Variants in PCSK6 observed in about 807,000 individuals in gnomAD.
The protein encoded by PCSK6 is proprotein convertase subtilisin/kexin type 6.
A neutral mutation model predicts 123.3 loss-of-function variants in PCSK6; 85 were observed. That is an observed-to-expected ratio of 0.69 (90% CI 0.58 to 0.83). The LOEUF (loss-of-function observed/expected upper bound fraction) is 0.83. Ranked by LOEUF, PCSK6 falls within the 40% of genes least tolerant of loss-of-function variation. The pLI, the probability that PCSK6 is intolerant of heterozygous loss-of-function variation, is 0.00. For missense variants in PCSK6, 1,191 were observed against 1,282.3 expected, an observed-to-expected ratio of 0.93 and a Z score of 1.09; for synonymous variants, 508 against 516.0, an observed-to-expected ratio of 0.98 and a Z score of 0.21.
At chr15:101,445,809 G>C (rs986523840) in intron 1 of PCSK6, among the ~76,000 whole-genome samples, 3 of 152,252 alleles carry the variant, frequency 2.0e-5, no homozygotes, top group Non-Finnish European at 4.4e-5. Context: ...TGCTGGCAAA[G>C]AGACTAATTG....
intron 17 of PCSK6, among the ~76,000 whole-genome samples, chr15:101,323,731 GAAA>G (rs11404372): frequency 7.8e-6 from 1 of 128,266 alleles, no homozygotes. Flanking sequence ...ACTCCATCTC[GAAA>G]AAAAAAAAAA....
chr15:101,316,789 A>T lies in PCSK6; in HGVS notation c.2569+1530T>A, dbSNP rs560710951. 2.2e-3 allele frequency among the ~76,000 whole-genome samples: 336 copies of T among 152,256 alleles called. 1 individual carries two copies. Among genetic ancestry groups the T allele is most frequent in the African/African-American group, 7.7e-3 (320 of 41,546 alleles). On this transcript the variant is annotated intron_variant, in intron 19 of 21. Transcript: ENST00000611716. The stretch of plus-strand genomic sequence containing the variant: ...TCATCAGGCCTGTCTATTCCAGGAC[A>T]TACGGCAGGGAGCTGCATGGGGTGC...
At position 101,307,293 on chromosome 15, in the gene PCSK6, G is replaced by A. The variant is rs910455492; in HGVS notation, c.2732C>T (p.Ser911Phe). Residue 911 changes from serine to phenylalanine, a missense_variant, in exon 21 of 22, where the codon TCC becomes TTC. Around this residue, in one of 3 missense-constraint regions of PCSK6, gnomAD observed 630 missense variants for 631.4 expected, o/e 1.00. Transcript: ENST00000611716. ...CTTACACCTGCTACAGTTCCTGCTG[G>A]AGCCTGCACAGCTCAAGCAGTTCTC... Reference protein sequence around the residue: ...CDENCLSCAGSSRNCSRCKTG... With the variant: ...CDENCLSCAGFSRNCSRCKTG... 4 of 1,613,498 alleles carry A rather than the reference G, an allele frequency of 2.5e-6. No homozygotes were observed. The African/African-American group carries it at 4.0e-5, about 16-fold the overall frequency.
intron 13 of PCSK6, among the ~76,000 whole-genome samples, chr15:101,361,162 CTCT>C (rs750609911): frequency 9.2e-5 from 11 of 120,000 alleles, no homozygotes; most frequent in Admixed American, 8.9e-5. Flanking sequence ...TTCTTTCTCT[CTCT>C]TTTTTTTTTT....
chr15:101,462,612 G>A (rs778470720), intron 1 of PCSK6, among the ~76,000 whole-genome samples: 5 of 152,172 alleles, frequency 3.3e-5, no homozygotes, highest in Non-Finnish European at 7.3e-5. Context: ...CAATCTGTAT[G>A]CAAATACAGA....
intron 6 of PCSK6, among the ~76,000 whole-genome samples, chr15:101,424,424 G>C (rs936047321): frequency 6.6e-6 from 1 of 152,108 alleles, no homozygotes; most frequent in African/African-American, 2.4e-5. Flanking sequence ...TTTCTTTTAA[G>C]AAAAATGAAG....
intron 1 of PCSK6, among the ~76,000 whole-genome samples, chr15:101,450,330 G>C (rs763661974): frequency 1.3e-5 from 2 of 152,000 alleles, no homozygotes; most frequent in Admixed American, 6.5e-5. Context: ...CTGTCATCCA[G>C]TGTAAGGGGC....
rs777276043 is a variant in PCSK6 at position 101,307,251 on chromosome 15, A to T, written c.2774T>A (p.Leu925Gln). The change falls in exon 21 of 22, where the codon CTG (leucine) becomes CAG (glutamine). Residue 925 changes from leucine to glutamine, a missense_variant. Transcript: ENST00000611716. ...CSRCKTGFTQ[L>Q]GTSCITNHTC... is the part of the protein sequence containing the mutation. ...GTGGTTGGTGATGCAGGAGGTCCCC[A>T]GCTGTGTGAAGCCCGTCTTACACCT... 2.5e-6 allele frequency: 4 copies of T among 1,613,712 alleles called. No homozygotes were observed. The highest frequency in any genetic ancestry group is 2.2e-5 in the East Asian group (1 of 44,894).
intron 13 of PCSK6, among the ~76,000 whole-genome samples, chr15:101,359,345 C>T (rs566630369): frequency 6.6e-6 from 1 of 152,238 alleles, no homozygotes; most frequent in Non-Finnish European, 1.5e-5. Context: ...AGTTTCTACC[C>T]ACGCTGAGGG....
chr15:101,420,393 A>G (rs1444237413), intron 6 of PCSK6, among the ~76,000 whole-genome samples: 3 of 152,004 alleles, frequency 2.0e-5, no homozygotes, highest in Non-Finnish European at 4.4e-5. Context: ...ACAGGGTCTC[A>G]CTCTGTCACC....
intron 1 of PCSK6, among the ~76,000 whole-genome samples, chr15:101,474,493 G>A (rs754768873): frequency 4.6e-5 from 7 of 152,192 alleles, no homozygotes; most frequent in Non-Finnish European, 7.3e-5. Flanking sequence ...CTTTGAGCCA[G>A]CATCCAATAA....
intron 7 of PCSK6, among the ~76,000 whole-genome samples, chr15:101,393,894 A>G (rs1013430268): frequency 1.3e-5 from 2 of 152,244 alleles, no homozygotes; most frequent in Non-Finnish European, 2.9e-5. Flanking sequence ...TCTGGAAAAC[A>G]TACTTGAAGA....
intron 11 of PCSK6, among the ~76,000 whole-genome samples, chr15:101,380,135 C>T (rs1159823742): frequency 4.6e-5 from 7 of 152,188 alleles, no homozygotes; most frequent in Admixed American, 1.3e-4. Flanking sequence ...CCTTACTTTC[C>T]TCAAAGGACA....
chr15:101,483,600 G>A (rs1202272877), intron 1 of PCSK6, among the ~76,000 whole-genome samples: 1 of 152,236 alleles, frequency 6.6e-6, no homozygotes, highest in Non-Finnish European at 1.5e-5. Flanking sequence ...AGCAGACGCT[G>A]AGCTGTTGTG....
chr15:101,489,486 G>A lies in PCSK6; in HGVS notation c.185C>T (p.Ser62Phe). The change falls in exon 1 of 22, where the codon TCC (serine) becomes TTC (phenylalanine). Residue 62 changes from serine (S) to phenylalanine (F), a missense_variant. Around this residue, in one of 3 missense-constraint regions of PCSK6, gnomAD observed 204 missense variants for 166.4 expected, o/e 1.23. Coordinates refer to ENST00000611716, the MANE Select transcript of PCSK6 (RefSeq NM_002570.5). Reference protein sequence around the residue: ...LLLLALPAACSAPPPRPVYTN... With the variant: ...LLLLALPAACFAPPPRPVYTN... ...GTAGACGGGGCGCGGCGGGGGCGCG[G>A]AGCAGGCGGCAGGCAGCGCCAGCAG... The A allele has an allele frequency of 1.9e-6, 2 of 1,078,074 alleles. No homozygotes were observed. The highest frequency in any genetic ancestry group is 2.2e-6 in the Non-Finnish European group (2 of 890,666). 66.8% of individuals were successfully genotyped at this position (1,078,074 alleles called of 1,614,324 possible).
At chr15:101,423,313 G>A (rs1199832433) in intron 6 of PCSK6, among the ~76,000 whole-genome samples, 2 of 148,000 alleles carry the variant, frequency 1.4e-5, no homozygotes, top group Non-Finnish European at 3.0e-5. Context: ...AGGCTGGAAT[G>A]CAGTGGTATG....
At position 101,382,180 on chromosome 15, in the gene PCSK6, C is replaced by G; in HGVS notation, c.1444G>C (p.Asp482His). 1 of 1,612,612 alleles carries G rather than the reference C, an allele frequency of 6.2e-7. No homozygotes were observed. Among genetic ancestry groups the G allele is most frequent in the Non-Finnish European group, 8.5e-7 (1 of 1,179,412 alleles). ...GCCTCCACAACGAGAGCTTCTGCGTCCACCAAACCAAATCCATAGAAATGG... is the reference window on the plus strand; with the variant it reads ...GCCTCCACAACGAGAGCTTCTGCGTGCACCAAACCAAATCCATAGAAATGG... ...VSHFYGFGLVDAEALVVEAKK... is the reference protein window; with the variant it reads ...VSHFYGFGLVHAEALVVEAKK... The change falls in exon 11 of 22, where the codon GAC becomes CAC. Residue 482 changes from aspartate to histidine, a missense_variant. By Grantham distance (81) the Asp-to-His change is moderately conservative (BLOSUM62 -1). Around this residue, in one of 3 missense-constraint regions of PCSK6, gnomAD observed 357 missense variants for 484.5 expected, o/e 0.74. Transcript: ENST00000611716.
intron 18 of PCSK6, 149 bp from the exon 19 acceptor site, chr15:101,318,571 A>G: frequency 4.2e-6 from 3 of 706,066 alleles, no homozygotes; most frequent in Non-Finnish European, 7.4e-6. Flanking sequence ...AAGTCGGGAA[A>G]GCCATCCCGC....
At chr15:101,412,107 C>A (rs552918046) in intron 6 of PCSK6, among the ~76,000 whole-genome samples, 209 of 152,246 alleles carry the variant, frequency 1.4e-3, no homozygotes, top group African/African-American at 4.6e-3. Context: ...TGGGTATCAG[C>A]GGAGGCTGAA....
Sources: gnomAD v4.1 joint callset for allele counts (sites outside exome capture counted in the v4.1 genomes callset) on GRCh38, gnomAD v4.1.1 for gene constraint, gnomAD v4.1.1 regional missense constraint, MANE v1.5 for transcripts, NCBI Gene and HGNC (gene_info 2026-07-23, HGNC 2026-07-21) for gene names.